MSH3: variants seen among roughly 807,000 people sequenced by gnomAD.
MSH3 encodes the protein DNA mismatch repair protein Msh3.
In MSH3, 106 loss-of-function variants were observed where a neutral mutation model predicts 123.3. That is an observed-to-expected ratio of 0.86 (90% CI 0.73 to 1.01). The LOEUF (loss-of-function observed/expected upper bound fraction) is 1.01. Ranked by LOEUF, MSH3 falls within the 50% of genes least tolerant of loss-of-function variation. The pLI is 0.00. For missense variants in MSH3, 1,459 were observed against 1,347.6 expected, an observed-to-expected ratio of 1.08 and a Z score of -1.29; for synonymous variants, 515 against 481.4, an observed-to-expected ratio of 1.07 and a Z score of -0.91.
chr5:80,843,626 G>A (rs1745666386), intron 20 of MSH3, among the ~76,000 whole-genome samples: 1 of 152,166 alleles, frequency 6.6e-6, no homozygotes, highest in South Asian at 2.1e-4. Context: ...TCCTGGTTTA[G>A]TCTTGGCATG....
At position 80,873,261 on chromosome 5, in the gene MSH3, G is replaced by A. The variant is rs2112128939; in HGVS notation, c.3276G>A (p.Glu1092=). ...ILKKAAHKSK[E]LEGLINTKRK... ...AGAAAGCAGCTCACAAGTCAAAAGAGCTGGAAGGATTAATAAATACGAAAA... is the reference window on the plus strand; with the variant it reads ...AGAAAGCAGCTCACAAGTCAAAAGAACTGGAAGGATTAATAAATACGAAAA... The change falls in exon 23 of 24, where the codon GAG becomes GAA. Residue 1092 remains glutamate, a synonymous_variant. Transcript: ENST00000265081. 1 of 1,613,954 alleles carries A rather than the reference G, an allele frequency of 6.2e-7. No individual in the cohort carries two copies. Among genetic ancestry groups the A allele is most frequent in the Middle Eastern group, 1.7e-4 (1 of 6,056 alleles).
intron 2 of MSH3, among the ~76,000 whole-genome samples, chr5:80,659,434 C>A (rs1048471658): frequency 1.3e-5 from 2 of 152,134 alleles, no homozygotes; most frequent in African/African-American, 4.8e-5. Context: ...CCTAGGTAAC[C>A]ACTAATCTAC....
At chr5:80,724,513 A>G (rs190282614) in intron 8 of MSH3, among the ~76,000 whole-genome samples, 304 of 152,286 alleles carry the variant, frequency 2.0e-3, no homozygotes, top group Non-Finnish European at 3.8e-3. Context: ...GAAAGAAGAG[A>G]AGGAGGACAG....
At chr5:80,701,447 T>C (rs1750607969) in intron 8 of MSH3, among the ~76,000 whole-genome samples, 1 of 152,238 alleles carries the variant, frequency 6.6e-6, no homozygotes, top group Non-Finnish European at 1.5e-5. Context: ...TGTTTGATAC[T>C]GGTGAGTTCA....
rs898451306 is a variant in MSH3 at position 80,751,077 on chromosome 5, A to G, written c.1763+6462A>G. On this transcript the variant is annotated intron_variant, in intron 12 of 23. Coordinates refer to ENST00000265081, the MANE Select transcript of MSH3 (RefSeq NM_002439.5). ...TTATCTGTACAAGGGGTCTTCAGAA[A>G]GTTCATGTAAAATGCATATTATGAA... Among the ~76,000 whole-genome samples the G allele has an allele frequency of 3.9e-5, 6 of 152,176 alleles. No individual in the cohort carries two copies. The East Asian group carries it at 7.7e-4, about 20-fold the overall frequency.
chr5:80,768,028 G>C lies in MSH3; in HGVS notation c.1992G>C (p.Gln664His). ...AIIPAVNSHI[Q>H]SDLLRTVILE... ...TACCTGCTGTTAATTCCCACATTCA[G>C]TCAGACTTGCTCCGGACCGTTATTT... Residue 664 changes from glutamine to histidine, a missense_variant, in exon 14 of 24, where the codon CAG becomes CAC. Transcript: ENST00000265081. 6.2e-7 allele frequency: 1 copy of C among 1,613,706 alleles called. No individual in the cohort carries two copies. Among genetic ancestry groups the C allele is most frequent in the Non-Finnish European group, 8.5e-7 (1 of 1,179,750 alleles).
chr5:80,863,664 A>G (rs1166777478), intron 21 of MSH3, among the ~76,000 whole-genome samples: 1 of 152,076 alleles, frequency 6.6e-6, no homozygotes, highest in East Asian at 1.9e-4. Flanking sequence ...GTCTCAAAAA[A>G]AAAAAAAAGA....
chr5:80,679,966 A>G (rs1749935382), intron 8 of MSH3, among the ~76,000 whole-genome samples: 1 of 152,142 alleles, frequency 6.6e-6, no homozygotes, highest in Non-Finnish European at 1.5e-5. Flanking sequence ...TAGACAAATC[A>G]TTTAGAAAAT....
In MSH3 at chr5:80,808,876, TATATATAC is replaced by T. The variant is rs1247283148; in HGVS notation, c.2656-4706_2656-4699del. 1.3e-3 allele frequency among the ~76,000 whole-genome samples: 188 copies of T among 143,376 alleles called. 6 individuals are homozygous for T. The highest frequency in any genetic ancestry group is 4.5e-3 in the African/African-American group (177 of 39,318). 94.1% of individuals were successfully genotyped at this position (143,376 alleles called of 152,430 possible). A position where few individuals can be genotyped will look rare whatever the true frequency, so the allele number is the denominator to read the frequency against. ...TCTTCTTCATATATATATATATATA[TATATATAC>T]ACAATCTAAATTCGAAGAGAGCAAT... On this transcript the variant is annotated intron_variant, in intron 19 of 23. Coordinates refer to ENST00000265081, the MANE Select transcript of MSH3 (RefSeq NM_002439.5).
intron 9 of MSH3, 121 bp downstream of exon 9, chr5:80,725,686 G>A: frequency 1.4e-6 from 1 of 739,972 alleles, no homozygotes; most frequent in South Asian, 1.5e-5. Flanking sequence ...GAGAAGAAGA[G>A]CTCACTGTTG....
chr5:80,689,980 G>A (rs533162471), intron 8 of MSH3, among the ~76,000 whole-genome samples: 2 of 152,006 alleles, frequency 1.3e-5, no homozygotes, highest in East Asian at 3.9e-4. Context: ...TTGAACTCCT[G>A]GGCTCAAGAG....
chr5:80,772,366 T>C (rs1415992626), intron 15 of MSH3, among the ~76,000 whole-genome samples: 1 of 152,134 alleles, frequency 6.6e-6, no homozygotes, highest in Non-Finnish European at 1.5e-5. Flanking sequence ...ATTGGGGGAT[T>C]GGAGGAATGG....
chr5:80,855,873 C>CTTTTTTTTTTTTTTTTTTTTTT (rs5869058), intron 21 of MSH3: 3 of 107,136 alleles, frequency 2.8e-5, no homozygotes, highest in Non-Finnish European at 3.5e-5. Flanking sequence ...TCCTCCTCCT[C>CTTTTTTTTTTTTTTTTTTTTTT]TTTTTTTTTT....
Position 80,785,049 on chromosome 5 carries a change from T to C in MSH3, c.2436-2516T>C, listed in dbSNP as rs550010887. Among the ~76,000 whole-genome samples the C allele has an allele frequency of 3.3e-5, 5 of 152,326 alleles. No homozygotes were observed. In the South Asian group the frequency reaches 1.0e-3, roughly 32 times the overall value. On this transcript the variant is annotated intron_variant, in intron 17 of 23. Coordinates refer to ENST00000265081, the MANE Select transcript of MSH3 (RefSeq NM_002439.5). ...GTTTTAAAAAGTCATAATGATTATATAGGAATAGTCCATCATTCTAGTAGT... is the reference window on the plus strand; with the variant it reads ...GTTTTAAAAAGTCATAATGATTATACAGGAATAGTCCATCATTCTAGTAGT...
At chr5:80,827,476 G>A (rs1310965645) in intron 20 of MSH3, among the ~76,000 whole-genome samples, 1 of 152,184 alleles carries the variant, frequency 6.6e-6, no homozygotes, top group African/African-American at 2.4e-5. Flanking sequence ...TGACTGTGGA[G>A]TATTTGTACT....
chr5:80,708,605 G>A (rs1750771665), intron 8 of MSH3, among the ~76,000 whole-genome samples: 1 of 151,876 alleles, frequency 6.6e-6, no homozygotes, highest in South Asian at 2.1e-4. Flanking sequence ...ATTTTCTTGT[G>A]GAGATGGAGT....
intron 10 of MSH3, among the ~76,000 whole-genome samples, chr5:80,729,460 G>A (rs5011786): frequency 0.27 from 25,524 of 94,598 alleles, 3,457 homozygotes; most frequent in South Asian, 0.35. Flanking sequence ...GTGTGTGTGT[G>A]TATATATATA....
At position 80,725,538 on chromosome 5, in the gene MSH3, T is replaced by C. The variant is rs758556156; in HGVS notation, c.1426T>C (p.Tyr476His). The C allele has an allele frequency of 1.2e-6, 2 of 1,613,676 alleles. No homozygotes were observed. Among genetic ancestry groups the C allele is most frequent in the Non-Finnish European group, 1.7e-6 (2 of 1,179,586 alleles). ...TGCTTTCCAGGCAGTTACAGAGTTT[T>C]ATGCAAAAGATACAGTTGACATCAA... ...SHAFQAVTEFYAKDTVDIKGS... is the reference protein window; with the variant it reads ...SHAFQAVTEFHAKDTVDIKGS... The change falls in exon 9 of 24, where the codon TAT (tyrosine) becomes CAT (histidine). Residue 476 changes from tyrosine (Y) to histidine (H), a missense_variant. Coordinates refer to ENST00000265081, the MANE Select transcript of MSH3 (RefSeq NM_002439.5).
intron 8 of MSH3, 125 bp downstream of exon 8, chr5:80,679,218 G>C (rs751535953): frequency 2.9e-4 from 295 of 1,023,882 alleles, no homozygotes; most frequent in Non-Finnish European, 3.9e-4. Context: ...CACTGTAGTA[G>C]TGGAAATTTA....
Sources: allele counts gnomAD v4.1 joint callset (sites outside exome capture counted in the v4.1 genomes callset), GRCh38; gene constraint gnomAD v4.1.1; transcripts MANE v1.5; gene names NCBI Gene and HGNC (gene_info 2026-07-23, HGNC 2026-07-21).